The following PPIL2 variants were observed in gnomAD, a reference collection of about 807,000 sequenced individuals.
The protein encoded by PPIL2 is peptidylprolyl isomerase like 2.
In PPIL2, 50 loss-of-function variants were observed where a neutral mutation model predicts 75.2. That is an observed-to-expected ratio of 0.66 (90% CI 0.53 to 0.84). The LOEUF (loss-of-function observed/expected upper bound fraction) is 0.84, where lower values mean the gene tolerates loss of function less well. PPIL2 is among the 40% of genes least tolerant of loss of function. The pLI is 0.00. For missense variants in PPIL2, 590 were observed against 685.0 expected (o/e 0.86, Z 1.55); for synonymous variants, 245 against 258.8 (o/e 0.95, Z 0.51).
At chr22:21,692,387 C>G (rs577539506) in intron 15 of PPIL2, among the ~76,000 whole-genome samples, 2 of 151,578 alleles carry the variant, frequency 1.3e-5, no homozygotes, top group South Asian at 4.2e-4. Flanking sequence ...ATCTCCTGAC[C>G]TTGTGATCCG....
At chr22:21,689,036 G>A (rs2067505264) in intron 15 of PPIL2, among the ~76,000 whole-genome samples, 187 bp downstream of exon 15, 1 of 152,256 alleles carries the variant, frequency 6.6e-6, no homozygotes, top group African/African-American at 2.4e-5. Context: ...AGCAGGGAGA[G>A]CTGCCCGCAC....
At chr22:21,687,036 T>G (rs762769099) in intron 12 of PPIL2, 38 bp downstream of exon 12, 1 of 1,557,964 alleles carries the variant, frequency 6.4e-7, no homozygotes, top group East Asian at 2.2e-5. Flanking sequence ...TGCCCCAAGG[T>G]CATCTCTGGG....
intron 9 of PPIL2, 61 bp downstream of exon 9, chr22:21,683,318 T>C: frequency 1.4e-6 from 2 of 1,443,602 alleles, no homozygotes; most frequent in Non-Finnish European, 1.9e-6. Flanking sequence ...GGGACAGTGC[T>C]CCCTGGGTAA....
In PPIL2 at chr22:21,695,035, C is replaced by T; in HGVS notation, c.1431C>T (p.Arg477=). Residue 477 remains arginine, a synonymous_variant, in exon 19 of 20, where the codon CGC becomes CGT. Coordinates refer to ENST00000398831, the MANE Select transcript of PPIL2 (RefSeq NM_014337.4). ...QAGSQGPQTF[R]QGVGKYINPA... Reference sequence around the variant, plus strand: ...GGAGCCAGGGCCCCCAGACCTTCCGCCAGGGCGTGGGCAAGTACATCAACC... The same window carrying T: ...GGAGCCAGGGCCCCCAGACCTTCCGTCAGGGCGTGGGCAAGTACATCAACC... 1 of 1,611,976 alleles carries T rather than the reference C, an allele frequency of 6.2e-7. No homozygotes were observed. The highest frequency in any genetic ancestry group is 8.5e-7 in the Non-Finnish European group (1 of 1,179,872).
chr22:21,670,569 T>C lies in PPIL2; in HGVS notation c.86T>C (p.Leu29Pro). The change falls in exon 3 of 20, where the codon CTC becomes CCC. Residue 29 changes from leucine to proline, a missense_variant. By Grantham distance (98) the Leu-to-Pro change is moderately conservative. Coordinates refer to ENST00000398831, the MANE Select transcript of PPIL2 (RefSeq NM_014337.4). Reference sequence around the variant, plus strand: ...TTTTTATTTCATTTTTAAACAGATCTCCCACAAACAAATTTTCGTCGTTTA... The same window carrying C: ...TTTTTATTTCATTTTTAAACAGATCCCCCACAAACAAATTTTCGTCGTTTA... ...THFYGGKKPDLPQTNFRRLPF... is the reference protein window; with the variant it reads ...THFYGGKKPDPPQTNFRRLPF... 6.2e-7 allele frequency: 1 copy of C among 1,609,408 alleles called. No homozygotes were observed. Among genetic ancestry groups the C allele is most frequent in the Non-Finnish European group, 8.5e-7 (1 of 1,175,720 alleles).
At chr22:21,684,274 C>T (rs1476443806) in intron 9 of PPIL2, among the ~76,000 whole-genome samples, 5 of 64,950 alleles carry the variant, frequency 7.7e-5, no homozygotes, top group South Asian at 9.2e-4. Context: ...AGGCGGATCA[C>T]GAGGTTACAA....
chr22:21,688,633 G>A, intron 14 of PPIL2, 99 bp from the exon 15 acceptor site: 1 of 1,184,216 alleles, frequency 8.4e-7, no homozygotes, highest in African/African-American at 1.5e-5. Flanking sequence ...CCCAGGCTGG[G>A]CTCAGCAAGG....
intron 13 of PPIL2, 52 bp from the exon 14 acceptor site, chr22:21,688,021 G>C: frequency 6.2e-7 from 1 of 1,612,336 alleles, no homozygotes; most frequent in Non-Finnish European, 8.5e-7. Flanking sequence ...CAGGCAGGCG[G>C]TGGGCCTCGG....
chr22:21,684,437 G>A (rs1287377305), intron 9 of PPIL2, among the ~76,000 whole-genome samples: 1 of 126,040 alleles, frequency 7.9e-6, no homozygotes, highest in Admixed American at 9.2e-5. Context: ...GGACGATAGA[G>A]CGAGACTCCA....
intron 16 of PPIL2, 107 bp downstream of exon 16, chr22:21,693,979 A>T (rs2067797984): frequency 8.3e-7 from 1 of 1,208,408 alleles, no homozygotes; most frequent in African/African-American, 1.5e-5. Flanking sequence ...GTCATGTGCC[A>T]TGCTGGCCAT....
intron 10 of PPIL2, 50 bp from the exon 11 acceptor site, chr22:21,686,433 C>G (rs897558253): frequency 1.9e-6 from 3 of 1,562,342 alleles, no homozygotes; most frequent in Non-Finnish European, 2.6e-6. Context: ...CGTCCCCACC[C>G]AACTGCCTCC....
intron 16 of PPIL2, 94 bp from the exon 17 acceptor site, chr22:21,694,499 G>T: frequency 7.1e-7 from 1 of 1,410,526 alleles, no homozygotes. Context: ...CCAGCCTCGG[G>T]GCTCTCAACC....
At chr22:21,688,621 G>A (rs1314408840) in intron 14 of PPIL2, 111 bp from the exon 15 acceptor site, 1 of 1,022,320 alleles carries the variant, frequency 9.8e-7, no homozygotes, top group East Asian at 2.4e-5. Context: ...AAGTGCCCCT[G>A]CCCCAGGCTG....
At chr22:21,673,596 G>C (rs1019082189) in intron 5 of PPIL2, 1 of 152,338 alleles carries the variant, frequency 6.6e-6, no homozygotes, top group Non-Finnish European at 1.5e-5. Flanking sequence ...CACGCTGTTA[G>C]GGCTTACATC....
chr22:21,692,168 T>C (rs990921051), intron 15 of PPIL2, among the ~76,000 whole-genome samples: 1 of 151,940 alleles, frequency 6.6e-6, no homozygotes, highest in African/African-American at 2.4e-5. Context: ...TTTTTTTTTT[T>C]TCTTTGAGAC....
intron 1 of PPIL2, 121 bp from the exon 2 acceptor site, chr22:21,669,792 G>A: frequency 9.5e-7 from 1 of 1,050,228 alleles, no homozygotes; most frequent in South Asian, 1.3e-5. Context: ...TAGCCACCGT[G>A]CCCGCCCCAT....
chr22:21,681,908 G>A (rs373878195), intron 7 of PPIL2, among the ~76,000 whole-genome samples: 96 of 152,348 alleles, frequency 6.3e-4, no homozygotes, highest in African/African-American at 2.2e-3. Flanking sequence ...CGACCTTTGC[G>A]CCGTTGTCAA....
intron 15 of PPIL2, among the ~76,000 whole-genome samples, chr22:21,689,512 T>C (rs1005429698): frequency 3.9e-5 from 6 of 152,222 alleles, no homozygotes; most frequent in Non-Finnish European, 7.3e-5. Context: ...TTGGGGATCA[T>C]TGCTCATGTA....
Position 21,681,513 on chromosome 22 carries a change from G to A in PPIL2, c.387+123G>A, listed in dbSNP as rs942007432. 12 of 826,088 alleles carry A rather than the reference G, an allele frequency of 1.5e-5. No homozygotes were observed. In the African/African-American group the frequency reaches 1.7e-4, roughly 12 times the overall value. The allele number at this position is 826,088 out of a possible 1,614,324, so 51.2% of individuals were successfully genotyped here. ...TGTCCTCGTGGGGTTTACAGTCACA[G>A]CCACAGGCATGGTCATCTAGCAAAG... On this transcript the variant is annotated intron_variant, in intron 7 of 19. Transcript: ENST00000398831.
Sources: gnomAD v4.1 joint callset for allele counts (sites outside exome capture counted in the v4.1 genomes callset) on GRCh38, gnomAD v4.1.1 for gene constraint, MANE v1.5 for transcripts, NCBI Gene and HGNC (gene_info 2026-07-23, HGNC 2026-07-21) for gene names.